IGSF10: variants seen among roughly 807,000 people sequenced by gnomAD.
IGSF10 encodes calvaria mechanical force protein 608.
IGSF10 carries 126 observed loss-of-function variants against 128.2 expected under a neutral mutation model. The observed-to-expected ratio is 0.98, with a 90% CI of 0.85 to 1.14. The LOEUF (loss-of-function observed/expected upper bound fraction) is 1.14, where lower values mean the gene tolerates loss of function less well. Ranked by LOEUF, IGSF10 falls within the 50% of genes most tolerant of loss-of-function variation. The pLI is 0.00. For synonymous variants in IGSF10, 1,185 were observed against 1,146.2 expected (o/e 1.03, Z -0.68); for missense variants, 3,295 against 3,149.8 (o/e 1.05, Z -1.10).
upstream of IGSF10, among the ~76,000 whole-genome samples, chr3:151,463,608 G>A (rs1430698484): frequency 1.5e-4 from 19 of 127,996 alleles, no homozygotes; most frequent in Admixed American, 3.9e-4. Context: ...GTGCAATGGC[G>A]CAATCTCGGC....
At chr3:151,580,840 C>A in the IGSF10 span, among the ~76,000 whole-genome samples, 1 of 152,104 alleles carries the variant, frequency 6.6e-6, no homozygotes, top group African/African-American at 2.4e-5. Flanking sequence ...TAGCAGAATT[C>A]TTCACTTGTT....
Position 151,458,494 on chromosome 3 carries a change from GGAAAC to G in IGSF10, c.194+17_194+21del. 3.2e-6 allele frequency: 5 copies of G among 1,578,894 alleles called. No individual in the cohort carries two copies. Among genetic ancestry groups the G allele is most frequent in the Non-Finnish European group, 4.3e-6 (5 of 1,156,392 alleles). On this transcript the variant is annotated intron_variant, in intron 3 of 7. Coordinates refer to ENST00000282466, the MANE Select transcript of IGSF10 (RefSeq NM_178822.5). ...TGCGACTGATCCCTCTTTGAGAAGA[GGAAAC>G]ATGAGGTCTCACACACCCTAAATTG...
At chr3:151,601,052 CTG>C in the IGSF10 span, among the ~76,000 whole-genome samples, 1 of 150,850 alleles carries the variant, frequency 6.6e-6, no homozygotes, top group South Asian at 2.1e-4. Flanking sequence ...AAGAAACAAA[CTG>C]GTGTTGATCA....
chr3:151,562,411 T>C, the IGSF10 span, among the ~76,000 whole-genome samples: 1 of 152,234 alleles, frequency 6.6e-6, no homozygotes, highest in East Asian at 1.9e-4. Context: ...CTTTATTCCT[T>C]CACTTTCCTA....
chr3:151,445,353 T>C lies in IGSF10; in HGVS notation c.4628A>G (p.Tyr1543Cys). 6.2e-7 allele frequency: 1 copy of C among 1,614,042 alleles called. No homozygotes were observed. Among genetic ancestry groups the C allele is most frequent in the Non-Finnish European group, 8.5e-7 (1 of 1,179,998 alleles). ...KFTIGTTHFI[Y>C]SNLLHSTPMP... ...GGGAGTAGAATGTAACAGATTAGAG[T>C]AGATGAAGTGAGTGGTTCCAATTGT... Residue 1543 changes from tyrosine to cysteine, a missense_variant, in exon 6 of 8, where the codon TAC becomes TGC. Transcript: ENST00000282466.
chr3:151,501,010 T>C, the IGSF10 span, among the ~76,000 whole-genome samples: 1 of 152,050 alleles, frequency 6.6e-6, no homozygotes, highest in Non-Finnish European at 1.5e-5. Flanking sequence ...ACCATGGATA[T>C]ATAATCCTCC....
At chr3:151,440,756 G>A (rs980948495) in intron 7 of IGSF10, 7 of 401,528 alleles carry the variant, frequency 1.7e-5, no homozygotes, top group Middle Eastern at 5.2e-4. Context: ...TATGTGTGCA[G>A]CATGGCTTGG....
At chr3:151,439,471 G>A (rs1200010024) in intron 7 of IGSF10, among the ~76,000 whole-genome samples, 1 of 152,134 alleles carries the variant, frequency 6.6e-6, no homozygotes, top group Admixed American at 6.5e-5. Flanking sequence ...AAAATTAGCT[G>A]AGCATGATGG....
chr3:151,462,679 A>G (rs949009761), upstream of IGSF10, among the ~76,000 whole-genome samples: 2 of 152,206 alleles, frequency 1.3e-5, no homozygotes, highest in Admixed American at 6.5e-5. Context: ...ACTTAGCTAA[A>G]CATGGATAAT....
chr3:151,483,835 G>A, the IGSF10 span, among the ~76,000 whole-genome samples: 2 of 152,184 alleles, frequency 1.3e-5, no homozygotes, highest in South Asian at 4.1e-4. Flanking sequence ...CAGTTCCTAT[G>A]TCCCTAGGGC....
At position 151,445,771 on chromosome 3, in the gene IGSF10, T is replaced by C. The variant is rs754243952; in HGVS notation, c.4210A>G (p.Ile1404Val). 2 of 1,614,140 alleles carry C rather than the reference T, an allele frequency of 1.2e-6. No individual in the cohort carries two copies. Among genetic ancestry groups the C allele is most frequent in the Admixed American group, 1.7e-5 (1 of 60,008 alleles). Residue 1404 changes from isoleucine (I) to valine (V), a missense_variant, in exon 6 of 8, where the codon ATT becomes GTT. Transcript: ENST00000282466. The stretch of plus-strand genomic sequence containing the variant: ...GAATGAAAACTGATTGTGCTTGAAA[T>C]CCCAGTTGTGTTTTCTGGTGGGGAA... ...THSPPENTTG[I>V]SSTISFHSRT...
chr3:151,447,860 C>T lies in IGSF10; in HGVS notation c.2121G>A (p.Glu707=). 1 of 1,614,058 alleles carries T rather than the reference C, an allele frequency of 6.2e-7. No individual in the cohort carries two copies. ...TTGTGCTTGAGGTGTGTTTTCCAAC[C>T]TCAGCCTCCATCAGAGCAGATGTAC... ...QLRTSALMEA[E]VGKHTSSTSK... is the part of the protein sequence containing the mutation. Residue 707 remains glutamate, a synonymous_variant, in exon 6 of 8, where the codon GAG becomes GAA. Transcript: ENST00000282466.
At chr3:151,515,181 C>T in the IGSF10 span, among the ~76,000 whole-genome samples, 1 of 151,892 alleles carries the variant, frequency 6.6e-6, no homozygotes, top group Non-Finnish European at 1.5e-5. Context: ...ATGTTTATTG[C>T]AGCACTATTC....
the IGSF10 span, among the ~76,000 whole-genome samples, chr3:151,555,324 C>A: frequency 6.6e-6 from 1 of 151,784 alleles, no homozygotes; most frequent in African/African-American, 2.4e-5. Context: ...ATGAGACAGA[C>A]AAAACACTGG....
upstream of IGSF10, chr3:151,461,083 G>C: frequency 2.0e-6 from 2 of 985,418 alleles, no homozygotes; most frequent in South Asian, 9.4e-5. Context: ...GAGGGCGGGG[G>C]ATGAGCCCGA....
At chr3:151,582,686 GTCTA>G in the IGSF10 span, among the ~76,000 whole-genome samples, 451 of 151,938 alleles carry the variant, frequency 3.0e-3, 3 homozygotes, top group African/African-American at 7.9e-3. Context: ...TCTATTGTCT[GTCTA>G]TCTATCTATC....
chr3:151,453,333 A>C, intron 5 of IGSF10, 51 bp downstream of exon 5: 1 of 1,442,072 alleles, frequency 6.9e-7, no homozygotes, highest in Non-Finnish European at 9.4e-7. Context: ...TAATACCTCC[A>C]AGCAGATTTC....
In IGSF10 at chr3:151,447,645, G is replaced by A; in HGVS notation, c.2336C>T (p.Pro779Leu). Residue 779 changes from proline to leucine, a missense_variant, in exon 6 of 8, where the codon CCA becomes CTA. Pro to Leu is a moderately conservative substitution (Grantham distance 98). Coordinates refer to ENST00000282466, the MANE Select transcript of IGSF10 (RefSeq NM_178822.5). ...PDKRENTTVSPPPVVTQLPNI... is the reference protein window; with the variant it reads ...PDKRENTTVSLPPVVTQLPNI... ...TGGGAGTTGGGTGACCACTGGGGGT[G>A]GGCTCACTGTGGTATTTTCTCGCTT... The A allele has an allele frequency of 6.2e-7, 1 of 1,614,024 alleles. No homozygotes were observed. Among genetic ancestry groups the A allele is most frequent in the Non-Finnish European group, 8.5e-7 (1 of 1,179,958 alleles).
At chr3:151,512,030 C>A in the IGSF10 span, among the ~76,000 whole-genome samples, 4 of 152,206 alleles carry the variant, frequency 2.6e-5, no homozygotes, top group Non-Finnish European at 2.9e-5. Flanking sequence ...CTTTAACACC[C>A]CACTGTCAAC....
Sources: allele counts gnomAD v4.1 joint callset (sites outside exome capture counted in the v4.1 genomes callset), GRCh38; gene constraint gnomAD v4.1.1; transcripts MANE v1.5; gene names NCBI Gene and HGNC (gene_info 2026-07-23, HGNC 2026-07-21).